Variants in PRKN observed in about 807,000 individuals in gnomAD.
The protein encoded by PRKN is parkin RBR E3 ubiquitin protein ligase, also known as E3 ubiquitin-protein ligase parkin.
PRKN carries 56 observed loss-of-function variants against 59.5 expected under a neutral mutation model. That is an observed-to-expected ratio of 0.94 (90% CI 0.76 to 1.18). PRKN has a LOEUF of 1.18. Ranked by LOEUF, PRKN falls within the 50% of genes most tolerant of loss-of-function variation. The pLI is 0.00. For missense variants in PRKN, 657 were observed against 596.4 expected, an observed-to-expected ratio of 1.10 and a Z score of -1.06; for synonymous variants, 250 against 222.1, an observed-to-expected ratio of 1.13 and a Z score of -1.12.
intron 2 of PRKN, among the ~76,000 whole-genome samples, chr6:162,382,270 A>G (rs1293834741): frequency 2.0e-5 from 3 of 152,180 alleles, no homozygotes; most frequent in African/African-American, 7.2e-5. Context: ...ACTGTTAACT[A>G]GAAATGGAAA....
At chr6:161,732,868 A>G (rs905351454) in intron 7 of PRKN, among the ~76,000 whole-genome samples, 1 of 152,208 alleles carries the variant, frequency 6.6e-6, no homozygotes, top group African/African-American at 2.4e-5. Context: ...CTCACTTGTT[A>G]GCAGTGAGCA....
chr6:161,859,008 T>A (rs2128224070), intron 6 of PRKN, among the ~76,000 whole-genome samples: 1 of 151,516 alleles, frequency 6.6e-6, no homozygotes, highest in South Asian at 2.1e-4. Context: ...TAGCTGGGAT[T>A]ACAGGTGCCC....
rs1177676968 is a variant in PRKN at position 162,025,583 on chromosome 6, C to CTTTTTTTTTTTTT, written c.618+28495_618+28507dup. Among the ~76,000 whole-genome samples the CTTTTTTTTTTTTT allele has an allele frequency of 8.5e-5, 5 of 59,006 alleles. 2 individuals are homozygous for CTTTTTTTTTTTTT. Among genetic ancestry groups the CTTTTTTTTTTTTT allele is most frequent in the African/African-American group, 2.9e-4 (4 of 13,726 alleles). 38.7% of individuals were successfully genotyped at this position (59,006 alleles called of 152,430 possible). Reference sequence around the variant, plus strand: ...TCTCCCAGTGGCCATATCCATGGTGCTTTTTTTTTTTTTTTTTTTTTTTTT... The same window carrying CTTTTTTTTTTTTT: ...TCTCCCAGTGGCCATATCCATGGTGCTTTTTTTTTTTTTTTTTTTTTTTTTTTTTTTTTTTTTT... On this transcript the variant is annotated intron_variant, in intron 5 of 11. Coordinates refer to ENST00000366898, the MANE Select transcript of PRKN (RefSeq NM_004562.3).
At chr6:162,006,521 C>CTAATTTT (rs1782261332) in intron 5 of PRKN, among the ~76,000 whole-genome samples, 1 of 152,160 alleles carries the variant, frequency 6.6e-6, no homozygotes, top group Non-Finnish European at 1.5e-5. Flanking sequence ...AGATTTCTTG[C>CTAATTTT]CATGGTCTAC....
At chr6:161,786,052 G>A in intron 6 of PRKN, 144 bp from the exon 7 acceptor site, 1 of 773,708 alleles carries the variant, frequency 1.3e-6, no homozygotes. Context: ...TTAAGCTCAT[G>A]TATACCAACA....
chr6:161,969,686 T>C (rs1201891385), intron 6 of PRKN, among the ~76,000 whole-genome samples: 2 of 152,132 alleles, frequency 1.3e-5, no homozygotes, highest in Non-Finnish European at 2.9e-5. Context: ...TTACTTTTAT[T>C]TTCCAGTATG....
At chr6:162,021,705 A>C (rs1055257527) in intron 5 of PRKN, among the ~76,000 whole-genome samples, 1 of 152,026 alleles carries the variant, frequency 6.6e-6, no homozygotes, top group African/African-American at 2.4e-5. Context: ...CTTCTTTTTA[A>C]ATTTTAAATC....
At chr6:161,607,130 T>C (rs548979036) in intron 7 of PRKN, among the ~76,000 whole-genome samples, 1 of 152,212 alleles carries the variant, frequency 6.6e-6, no homozygotes, top group Non-Finnish European at 1.5e-5. Flanking sequence ...ACTTTCTATC[T>C]GCAGTTGTGG....
At chr6:162,363,396 C>T (rs934396445) in intron 2 of PRKN, among the ~76,000 whole-genome samples, 1 of 152,172 alleles carries the variant, frequency 6.6e-6, no homozygotes, top group African/African-American at 2.4e-5. Context: ...TTTTTCTATA[C>T]AAACCCATAT....
intron 1 of PRKN, among the ~76,000 whole-genome samples, chr6:162,502,970 T>C (rs1333180718): frequency 6.6e-6 from 1 of 151,854 alleles, no homozygotes; most frequent in Non-Finnish European, 1.5e-5. Flanking sequence ...AATATAGAAA[T>C]AGTTTCGTAT....
intron 7 of PRKN, among the ~76,000 whole-genome samples, chr6:161,613,949 T>G (rs1782592055): frequency 6.6e-6 from 1 of 152,212 alleles, no homozygotes; most frequent in African/African-American, 2.4e-5. Context: ...TGTGGGGCTC[T>G]GGAGAAGAAC....
intron 9 of PRKN, among the ~76,000 whole-genome samples, chr6:161,496,889 G>A (rs1407930026): frequency 6.6e-6 from 1 of 152,206 alleles, no homozygotes; most frequent in Non-Finnish European, 1.5e-5. Flanking sequence ...AAGATGCAAG[G>A]AGGGATTCTT....
chr6:161,347,506 C>T lies in PRKN; in HGVS notation c.*2593G>A, dbSNP rs1436800824. 2 of 151,958 alleles carry T rather than the reference C, an allele frequency of 1.3e-5. No individual in the cohort carries two copies. Among genetic ancestry groups the T allele is most frequent in the Admixed American group, 6.6e-5 (1 of 15,258 alleles). The allele number at this position is 151,958 out of a possible 1,614,324, so 9.4% of individuals were successfully genotyped here. A position where few individuals can be genotyped will look rare whatever the true frequency, so the allele number is the denominator to read the frequency against. ...TTCAGAGAAAAACAGACTTTTTCTG[C>T]AAAGACTTTATTTCTATTTTTTGAT... is the stretch of plus-strand genomic sequence containing the variant. On this transcript the variant is annotated 3_prime_UTR_variant, in exon 12 of 12. Transcript: ENST00000366898.
At chr6:161,392,299 G>A (rs1433547568) in intron 9 of PRKN, among the ~76,000 whole-genome samples, 1 of 151,706 alleles carries the variant, frequency 6.6e-6, no homozygotes, top group African/African-American at 2.4e-5. Flanking sequence ...CAGGAGAACC[G>A]TTTGAACCCT....
rs551956417 is a variant in PRKN at position 161,578,708 on chromosome 6, T to C, written c.872-9292A>G. ...GTGTCACTTCCTGCACTAGATCTAA[T>C]CAGCGCTGCTCTGCAATAGATTTTC... On this transcript the variant is annotated intron_variant, in intron 7 of 11. Transcript: ENST00000366898. This position sits in a 1 kb window ranked among gnomAD's most constrained non-coding sequence, Gnocchi z 4.2. 2.0e-5 allele frequency among the ~76,000 whole-genome samples: 3 copies of C among 152,310 alleles called. No homozygotes were observed. The East Asian group carries it at 5.8e-4, about 29-fold the overall frequency.
At chr6:161,436,358 C>T (rs947549595) in intron 9 of PRKN, among the ~76,000 whole-genome samples, 70 of 86,570 alleles carry the variant, frequency 8.1e-4, no homozygotes, top group Non-Finnish European at 5.5e-4. Flanking sequence ...TGTGTGCCCT[C>T]ATCAGGTGGA....
intron 7 of PRKN, among the ~76,000 whole-genome samples, chr6:161,785,140 T>C (rs563582810): frequency 1.3e-5 from 2 of 152,144 alleles, no homozygotes; most frequent in South Asian, 4.2e-4. Flanking sequence ...GGGTAGGAGG[T>C]GTTCAGAAAG....
chr6:162,581,672 T>A (rs1311914079), intron 1 of PRKN, among the ~76,000 whole-genome samples: 1 of 152,136 alleles, frequency 6.6e-6, no homozygotes. Flanking sequence ...GGCAGGAGAA[T>A]CACTTGAACC....
chr6:161,449,568 C>T (rs762939583), intron 9 of PRKN, among the ~76,000 whole-genome samples: 3 of 152,050 alleles, frequency 2.0e-5, no homozygotes, highest in Non-Finnish European at 4.4e-5. Flanking sequence ...TAAGTCAAAG[C>T]AACAATAAAA....
Sources: allele counts gnomAD v4.1 joint callset (sites outside exome capture counted in the v4.1 genomes callset), GRCh38; gene constraint gnomAD v4.1.1; non-coding constraint Gnocchi (gnomAD v3.1); transcripts MANE v1.5; gene names NCBI Gene and HGNC (gene_info 2026-07-23, HGNC 2026-07-21).